The following LDB3 variants were observed in gnomAD, a reference collection of about 807,000 sequenced individuals.
LDB3 encodes the protein LIM domain-binding protein 3.
LDB3 carries 49 observed loss-of-function variants against 69.0 expected under a neutral mutation model. That is an observed-to-expected ratio of 0.71 (90% CI 0.56 to 0.90). LDB3 has a LOEUF of 0.90. LDB3 is among the 40% of genes least tolerant of loss of function. The pLI, the probability that LDB3 is intolerant of heterozygous loss-of-function variation, is 0.00. For missense variants in LDB3, 928 were observed against 974.1 expected (o/e 0.95, Z 0.63); for synonymous variants, 387 against 396.2 (o/e 0.98, Z 0.28).
intron 13 of LDB3, among the ~76,000 whole-genome samples, chr10:86,726,984 G>A (rs1459918842): frequency 6.6e-6 from 1 of 150,520 alleles, no homozygotes. Flanking sequence ...GCCCCCTAAT[G>A]TCAATCTGTC....
Position 86,699,136 on chromosome 10 carries a change from T to A in LDB3, c.896+6565T>A. 59 of 850,328 alleles carry A rather than the reference T, an allele frequency of 6.9e-5. No homozygotes were observed. Among genetic ancestry groups the A allele is most frequent in the East Asian group, 8.6e-5 (3 of 35,076 alleles). The allele number at this position is 850,328 out of a possible 1,614,324, so 52.7% of individuals were successfully genotyped here. The stretch of plus-strand genomic sequence containing the variant: ...AGCTTCTCCAAGCCCGTTCCCTCCC[T>A]CCCATGCCCTCTGCCCCACCTGTTA... On this transcript the variant is annotated intron_variant, in intron 7 of 13. Transcript: ENST00000361373. This position sits in a 1 kb window ranked among gnomAD's most constrained non-coding sequence, Gnocchi z 4.9.
At chr10:86,707,453 C>T (rs1479917215) in intron 8 of LDB3, among the ~76,000 whole-genome samples, 1 of 151,962 alleles carries the variant, frequency 6.6e-6, no homozygotes, top group African/African-American at 2.4e-5. Context: ...CCCTCCTAGA[C>T]ACCCAGCAAG....
intron 7 of LDB3, among the ~76,000 whole-genome samples, chr10:86,703,909 T>A (rs1225667569): frequency 6.6e-6 from 1 of 151,802 alleles, no homozygotes; most frequent in African/African-American, 2.4e-5. Flanking sequence ...AGGTCAGGAG[T>A]TCGAGACCAG....
rs1469029563 is a variant in LDB3 at position 86,699,497 on chromosome 10, C to G, written c.896+6926C>G. 1 of 1,549,544 alleles carries G rather than the reference C, an allele frequency of 6.5e-7. No homozygotes were observed. Among genetic ancestry groups the G allele is most frequent in the Admixed American group, 1.9e-5 (1 of 52,366 alleles). On this transcript the variant is annotated intron_variant, in intron 7 of 13. Coordinates refer to ENST00000361373, the MANE Select transcript of LDB3 (RefSeq NM_007078.3). This position sits in a 1 kb window ranked among gnomAD's most constrained non-coding sequence, Gnocchi z 4.9. ...ATGTATAACTCTGCTGGGGGCACCT[C>G]TGATGGCCAACCGCAGCATTTCTGT...
intron 5 of LDB3, among the ~76,000 whole-genome samples, chr10:86,682,765 G>T (rs1437865790): frequency 6.6e-6 from 1 of 152,204 alleles, no homozygotes; most frequent in Non-Finnish European, 1.5e-5. Flanking sequence ...TCTGAGCTTT[G>T]TCTGTCACCC....
At chr10:86,722,400 A>G (rs1847109055) in intron 12 of LDB3, among the ~76,000 whole-genome samples, 1 of 151,774 alleles carries the variant, frequency 6.6e-6, no homozygotes, top group African/African-American at 2.4e-5. Flanking sequence ...AGCTGGGACT[A>G]CAGGCTCCCA....
chr10:86,671,966 G>T (rs1263626392), intron 2 of LDB3, among the ~76,000 whole-genome samples: 2 of 152,134 alleles, frequency 1.3e-5, no homozygotes, highest in African/African-American at 2.4e-5. Flanking sequence ...ACAAAAATTA[G>T]CCAGGTGTGG....
At chr10:86,695,235 C>T (rs568350642) in intron 7 of LDB3, among the ~76,000 whole-genome samples, 8 of 152,194 alleles carry the variant, frequency 5.3e-5, no homozygotes, top group Non-Finnish European at 7.3e-5. Context: ...TCTGGGACCT[C>T]GAGGTCAAGT....
At chr10:86,680,206 G>A in intron 4 of LDB3, 49 bp downstream of exon 4, 1 of 1,558,802 alleles carries the variant, frequency 6.4e-7, no homozygotes. Context: ...GGTTCCTGGA[G>A]TGCTGGCCCT....
At chr10:86,690,806 G>A (rs968148541) in intron 5 of LDB3, among the ~76,000 whole-genome samples, 7 of 152,222 alleles carry the variant, frequency 4.6e-5, no homozygotes, top group Admixed American at 2.0e-4. Flanking sequence ...ATGACTGCAG[G>A]GAGCCTAATG....
Position 86,732,724 on chromosome 10 carries a change from G to A in LDB3, c.2095-163G>A, listed in dbSNP as rs188972980. ...TCGCCATGTTGGCCAGGCTGGTCTT[G>A]GACTCCTGACCTCAAGTGATCTGCC... On this transcript the variant is annotated intron_variant, in intron 13 of 13. Transcript: ENST00000361373. 664 of 625,642 alleles carry A rather than the reference G, an allele frequency of 1.1e-3. 3 individuals are homozygous for A. The highest frequency in any genetic ancestry group is 1.6e-3 in the Non-Finnish European group (549 of 337,342). The allele number at this position is 625,642 out of a possible 1,614,324, so 38.8% of individuals were successfully genotyped here. A position where few individuals can be genotyped will look rare whatever the true frequency, so the allele number is the denominator to read the frequency against.
At chr10:86,683,361 A>G (rs1202600218) in intron 5 of LDB3, among the ~76,000 whole-genome samples, 2 of 152,254 alleles carry the variant, frequency 1.3e-5, no homozygotes, top group Non-Finnish European at 2.9e-5. Context: ...ATAGCTGGAA[A>G]ATAGACGCTC....
At chr10:86,728,457 A>G (rs1292576567) in intron 13 of LDB3, among the ~76,000 whole-genome samples, 8 of 152,228 alleles carry the variant, frequency 5.3e-5, no homozygotes, top group Non-Finnish European at 1.2e-4. Flanking sequence ...AGTGAAGTCC[A>G]GCCTGTGAGA....
intron 13 of LDB3, chr10:86,726,509 A>G (rs1847264012): frequency 5.9e-6 from 3 of 506,526 alleles, no homozygotes; most frequent in Non-Finnish European, 1.1e-5. Flanking sequence ...GGGTTTGGCA[A>G]ACCAGCGGCT....
Position 86,716,735 on chromosome 10 carries a change from G to A in LDB3, c.1640G>A (p.Arg547Gln), listed in dbSNP as rs201968826. ...QRAERFPASS[R>Q]TPLCGHCNNV... ...GCTGAGCGATTCCCAGCCAGCAGCC[G>A]GACTCCACTCTGCGGTCACTGCAAC... Residue 547 changes from arginine to glutamine, a missense_variant, in exon 10 of 14, where the codon CGG becomes CAG. Arg to Gln is a conservative substitution (Grantham distance 43). Coordinates refer to ENST00000361373, the MANE Select transcript of LDB3 (RefSeq NM_007078.3). 4.2e-5 allele frequency: 68 copies of A among 1,612,868 alleles called. No homozygotes were observed. The highest frequency in any genetic ancestry group is 6.7e-5 in the Admixed American group (4 of 59,898).
At chr10:86,728,737 A>T (rs1181076592) in intron 13 of LDB3, among the ~76,000 whole-genome samples, 3 of 151,616 alleles carry the variant, frequency 2.0e-5, no homozygotes, top group African/African-American at 7.3e-5. Context: ...GCCTGCCACC[A>T]CACCTGGCTA....
intron 2 of LDB3, among the ~76,000 whole-genome samples, chr10:86,678,150 C>T (rs930302059): frequency 5.3e-5 from 8 of 151,914 alleles, no homozygotes; most frequent in Admixed American, 2.0e-4. Flanking sequence ...AGAGTTCAAG[C>T]GATTCTCCTG....
rs922646106 is a variant in LDB3 at position 86,679,932 on chromosome 10, G to A, written c.246-150G>A. On this transcript the variant is annotated intron_variant, in intron 3 of 13. Transcript: ENST00000361373. ...TTCTTGGGGAGATCCAGCCCATGGG[G>A]TGGACAGTGGATCTGGGGCCCTCTG... 8.3e-5 allele frequency: 61 copies of A among 738,686 alleles called. 1 individual carries two copies. The East Asian group carries it at 1.6e-3, about 19-fold the overall frequency. The allele number at this position is 738,686 out of a possible 1,614,324, so 45.8% of individuals were successfully genotyped here. A position where few individuals can be genotyped will look rare whatever the true frequency, so the allele number is the denominator to read the frequency against.
At chr10:86,682,905 A>G (rs1378074477) in intron 5 of LDB3, among the ~76,000 whole-genome samples, 1 of 152,052 alleles carries the variant, frequency 6.6e-6, no homozygotes, top group Non-Finnish European at 1.5e-5. Context: ...CCTGTGCCCC[A>G]TCAGGTCACT....
Sources: allele counts gnomAD v4.1 joint callset (sites outside exome capture counted in the v4.1 genomes callset), GRCh38; gene constraint gnomAD v4.1.1; non-coding constraint Gnocchi (gnomAD v3.1); transcripts MANE v1.5; gene names NCBI Gene and HGNC (gene_info 2026-07-23, HGNC 2026-07-21).